KCNG1: variants seen among roughly 807,000 people sequenced by gnomAD.
KCNG1 encodes voltage-gated potassium channel regulatory subunit KCNG1.
KCNG1 carries 17 observed loss-of-function variants against 32.4 expected under a neutral mutation model. That is an observed-to-expected ratio of 0.52 (90% CI 0.36 to 0.79). The LOEUF (loss-of-function observed/expected upper bound fraction) is 0.79. Ranked by LOEUF, KCNG1 falls within the 30% of genes least tolerant of loss-of-function variation. The pLI is 0.00. For missense variants in KCNG1, 441 were observed against 735.2 expected (o/e 0.60, Z 4.63); for synonymous variants, 358 against 339.9 (o/e 1.05, Z -0.59).
chr20:51,004,793 TG>T lies in KCNG1; in HGVS notation c.787del (p.Gln263ArgfsTer39). The T allele has an allele frequency of 6.4e-7, 1 of 1,566,828 alleles. No individual in the cohort carries two copies. The highest frequency in any genetic ancestry group is 1.2e-5 in the South Asian group (1 of 84,282). On this transcript the variant is annotated frameshift_variant, in exon 3 of 3. Coordinates refer to ENST00000371571, the MANE Select transcript of KCNG1 (RefSeq NM_002237.4). LOFTEE classifies it high-confidence loss of function. This position sits in a 1 kb window ranked among gnomAD's most constrained non-coding sequence, Gnocchi z 4.3. Reference protein sequence around the residue: ...REEEEQGHCSQMCHNVFIVES... With the variant: ...REEEEQGHCSXMCHNVFIVES... ...CACGATGAAGACGTTGTGGCACATC[TG>T]GGAACAGTGGCCCTGGGAGAGAGGG...
chr20:51,021,403 A>G (rs541188305), intron 1 of KCNG1, among the ~76,000 whole-genome samples: 2 of 152,226 alleles, frequency 1.3e-5, no homozygotes, highest in Non-Finnish European at 2.9e-5. Flanking sequence ...GAAGGACAGC[A>G]TGCCCTAGCC....
intron 1 of KCNG1, among the ~76,000 whole-genome samples, chr20:51,017,520 G>A (rs190208981): frequency 7.2e-5 from 11 of 152,308 alleles, no homozygotes; most frequent in Admixed American, 3.9e-4. Context: ...AGGCGTGCTG[G>A]GAAGCGGTGT....
At chr20:51,009,087 T>C (rs1987952891) in intron 2 of KCNG1, among the ~76,000 whole-genome samples, 1 of 152,208 alleles carries the variant, frequency 6.6e-6, no homozygotes, top group Non-Finnish European at 1.5e-5. Flanking sequence ...GACACACATA[T>C]ACCTATCAAT....
intron 1 of KCNG1, among the ~76,000 whole-genome samples, chr20:51,012,181 A>C (rs911368125): frequency 2.0e-5 from 3 of 152,242 alleles, no homozygotes; most frequent in African/African-American, 7.2e-5. Flanking sequence ...GCAATGGACA[A>C]AGAAATGCAC....
intron 2 of KCNG1, among the ~76,000 whole-genome samples, chr20:51,008,557 T>A (rs1256315479): frequency 2.0e-5 from 3 of 152,018 alleles, no homozygotes; most frequent in Non-Finnish European, 4.4e-5. Flanking sequence ...GATTTTGAAC[T>A]CCTGGGCTCA....
Position 51,004,669 on chromosome 20 carries a change from G to T in KCNG1, c.912C>A (p.Ile304=), listed in dbSNP as rs17791052. Residue 304 remains isoleucine, a synonymous_variant, in exon 3 of 3, where the codon ATC becomes ATA. Transcript: ENST00000371571. The surrounding 1 kb of genome is among the most constrained non-coding windows in gnomAD (Gnocchi z 4.3). ...FAFLRSPLTL[I]DLVAILPYYI... ...AGTAGGGCAGGATGGCCACCAGGTCGATCAGCGTCAGCGGGCTCCGCAGGA... is the reference window on the plus strand; with the variant it reads ...AGTAGGGCAGGATGGCCACCAGGTCTATCAGCGTCAGCGGGCTCCGCAGGA... 2 of 1,603,114 alleles carry T rather than the reference G, an allele frequency of 1.2e-6. No individual in the cohort carries two copies. The highest frequency in any genetic ancestry group is 8.5e-7 in the Non-Finnish European group (1 of 1,174,818).
intron 1 of KCNG1, among the ~76,000 whole-genome samples, chr20:51,011,900 A>G (rs1289862662): frequency 1.3e-5 from 2 of 152,202 alleles, no homozygotes; most frequent in Non-Finnish European, 2.9e-5. Context: ...GGGTTCAAGC[A>G]ATTCTCGTGC....
rs1329454210 is a variant in KCNG1, at chr20:51,004,727, A to G, written c.854T>C (p.Leu285Pro). ...CVGWFSLEFL[L>P]RLIQAPSKFA... ...CTTGCTGGGCGCCTGAATGAGCCGCAGGAGGAACTCCAGGGAGAACCAGCC... is the reference window on the plus strand; with the variant it reads ...CTTGCTGGGCGCCTGAATGAGCCGCGGGAGGAACTCCAGGGAGAACCAGCC... Residue 285 changes from leucine to proline, a missense_variant, in exon 3 of 3, where the codon CTG (leucine) becomes CCG (proline). By Grantham distance (98) the Leu-to-Pro change is moderately conservative. This residue lies in a region of KCNG1 where 169 missense variants were observed against 297.7 expected (regional missense o/e 0.57). Transcript: ENST00000371571. This position sits in a 1 kb window ranked among gnomAD's most constrained non-coding sequence, Gnocchi z 4.3. The G allele has an allele frequency of 6.3e-7, 1 of 1,595,674 alleles. No individual in the cohort carries two copies. The highest frequency in any genetic ancestry group is 8.5e-7 in the Non-Finnish European group (1 of 1,171,202).
rs779187215 is a variant in KCNG1, at chr20:51,010,234, G to T, written c.105C>A (p.Ile35=). 6.4e-7 allele frequency: 1 copy of T among 1,559,240 alleles called. No homozygotes were observed. The highest frequency in any genetic ancestry group is 1.2e-5 in the South Asian group (1 of 82,996). The change falls in exon 2 of 3, where the codon ATC becomes ATA. Residue 35 remains isoleucine, a synonymous_variant. Transcript: ENST00000371571. ...GCGCCCGGCGGTAGAACGCGCCCTT[G>T]ATGGCCTGGCGCTGCGGGAGGAAGG... is the stretch of plus-strand genomic sequence containing the variant. The part of the protein sequence containing the change: ...HPAFLPQRQA[I]KGAFYRRAQR...
At position 51,015,165 on chromosome 20, in the gene KCNG1, C is replaced by T. The variant is rs534995871; in HGVS notation, c.-26-4801G>A. The stretch of plus-strand genomic sequence containing the variant: ...TTCTGGAAATGACTAAGGTTTGCAG[C>T]GGTGGAAGTCCCAGAGAACAGGAGG... On this transcript the variant is annotated intron_variant, in intron 1 of 2. Coordinates refer to ENST00000371571, the MANE Select transcript of KCNG1 (RefSeq NM_002237.4). This position sits in a 1 kb window ranked among gnomAD's most constrained non-coding sequence, Gnocchi z 4.4. Among the ~76,000 whole-genome samples the T allele has an allele frequency of 2.0e-4, 31 of 151,542 alleles. No individual in the cohort carries two copies. The highest frequency in any genetic ancestry group is 5.6e-4 in the African/African-American group (23 of 41,250).
At chr20:51,013,070 G>A (rs1988153004) in intron 1 of KCNG1, among the ~76,000 whole-genome samples, 1 of 151,870 alleles carries the variant, frequency 6.6e-6, no homozygotes, top group African/African-American at 2.4e-5. Context: ...TTGGGAGGCC[G>A]AGGTGGGTGG....
intron 2 of KCNG1, among the ~76,000 whole-genome samples, chr20:51,008,336 A>G (rs1389489946): frequency 1.3e-5 from 2 of 152,078 alleles, no homozygotes; most frequent in Non-Finnish European, 2.9e-5. Context: ...TTTTAAAAAA[A>G]TTTTGTGTTT....
In KCNG1 at chr20:51,003,814, C is replaced by T; in HGVS notation, c.*225G>A. 1.8e-6 allele frequency: 1 copy of T among 552,552 alleles called. No individual in the cohort carries two copies. The highest frequency in any genetic ancestry group is 3.2e-6 in the Non-Finnish European group (1 of 312,146). The allele number at this position is 552,552 out of a possible 1,614,324, so 34.2% of individuals were successfully genotyped here. On this transcript the variant is annotated 3_prime_UTR_variant, in exon 3 of 3. Coordinates refer to ENST00000371571, the MANE Select transcript of KCNG1 (RefSeq NM_002237.4). ...GGGGTGGGCGGGGCTGGGCTGATGA[C>T]CCAGCTTCCTTTCACGGCTGCAGGC...
chr20:51,009,137 C>T (rs1304778403), intron 2 of KCNG1, among the ~76,000 whole-genome samples: 4 of 152,160 alleles, frequency 2.6e-5, no homozygotes, highest in Non-Finnish European at 5.9e-5. Context: ...GTCTGGGCTA[C>T]TATGATGCAA....
intron 1 of KCNG1, among the ~76,000 whole-genome samples, chr20:51,022,004 G>C (rs1203126492): frequency 6.6e-6 from 1 of 152,192 alleles, no homozygotes; most frequent in Non-Finnish European, 1.5e-5. Context: ...GGCTGCTACA[G>C]TTGGCCACCC....
Position 51,009,801 on chromosome 20 carries a change from C to T in KCNG1, c.538G>A (p.Val180Met). The change falls in exon 2 of 3, where the codon GTG (valine) becomes ATG (methionine). Residue 180 changes from valine to methionine, a missense_variant. Transcript: ENST00000371571. ...GCGTCGTCCTCTTCCTCCCGCTCCA[C>T]CATCTCCGCGAACTCCTCAATCTTC... ...LQKIEEFAEMVEREEEDDALD... is the reference protein window; with the variant it reads ...LQKIEEFAEMMEREEEDDALD... 6.2e-7 allele frequency: 1 copy of T among 1,612,804 alleles called. No individual in the cohort carries two copies. Among genetic ancestry groups the T allele is most frequent in the Non-Finnish European group, 8.5e-7 (1 of 1,179,910 alleles).
At chr20:51,018,293 A>G (rs1445060477) in intron 1 of KCNG1, among the ~76,000 whole-genome samples, 1 of 152,110 alleles carries the variant, frequency 6.6e-6, no homozygotes, top group Non-Finnish European at 1.5e-5. Context: ...CTCCTCCCCT[A>G]GAAGATGGGG....
chr20:51,012,921 G>A (rs980456623), intron 1 of KCNG1, among the ~76,000 whole-genome samples: 1 of 152,154 alleles, frequency 6.6e-6, no homozygotes, highest in African/African-American at 2.4e-5. Flanking sequence ...ATTTGAGTTT[G>A]AGACCCTTAG....
chr20:51,003,782 AGGGGCTGGGGTGGGC>A lies in KCNG1; in HGVS notation c.*242_*256del, dbSNP rs1987707292. 1 of 305,928 alleles carries A rather than the reference AGGGGCTGGGGTGGGC, an allele frequency of 3.3e-6. No homozygotes were observed. The highest frequency in any genetic ancestry group is 8.0e-5 in the Admixed American group (1 of 12,432). 19.0% of individuals were successfully genotyped at this position (305,928 alleles called of 1,614,324 possible). On this transcript the variant is annotated 3_prime_UTR_variant, in exon 3 of 3. Transcript: ENST00000371571. ...TCTCCTTATTGAGGGAAACACACAT[AGGGGCTGGGGTGGGC>A]GGGGCTGGGCTGATGACCCAGCTTC...
Sources: allele counts gnomAD v4.1 joint callset (sites outside exome capture counted in the v4.1 genomes callset), GRCh38; gene constraint gnomAD v4.1.1; regional missense constraint gnomAD v4.1.1; non-coding constraint Gnocchi (gnomAD v3.1); transcripts MANE v1.5; gene names NCBI Gene and HGNC (gene_info 2026-07-23, HGNC 2026-07-21).